Variants in NME8 observed in about 807,000 individuals in gnomAD.
The protein encoded by NME8 is NME/NM23 family member 8.
In NME8, 72 loss-of-function variants were observed where a neutral mutation model predicts 82.3. That is an observed-to-expected ratio of 0.87 (90% CI 0.72 to 1.06). The LOEUF (loss-of-function observed/expected upper bound fraction) is 1.06, where lower values mean the gene tolerates loss of function less well. Ranked by LOEUF, NME8 falls within the 50% of genes least tolerant of loss-of-function variation. NME8 has a pLI of 0.00. For missense variants in NME8, 712 were observed against 685.4 expected, an observed-to-expected ratio of 1.04 and a Z score of -0.43; for synonymous variants, 267 against 228.5, an observed-to-expected ratio of 1.17 and a Z score of -1.52.
chr7:37,856,414 C>T (rs1341731940), intron 5 of NME8, among the ~76,000 whole-genome samples: 1 of 152,140 alleles, frequency 6.6e-6, no homozygotes, highest in Non-Finnish European at 1.5e-5. Context: ...ACTGTGCTGG[C>T]ACCCTAATCT....
At chr7:37,878,913 AT>A (rs1353531459) in intron 12 of NME8, among the ~76,000 whole-genome samples, 2 of 152,068 alleles carry the variant, frequency 1.3e-5, no homozygotes, top group African/African-American at 4.8e-5. Context: ...TTCACTCTTT[AT>A]TTTGTTCATC....
chr7:37,868,548 A>G (rs1227425172), intron 11 of NME8, among the ~76,000 whole-genome samples: 2 of 152,050 alleles, frequency 1.3e-5, no homozygotes, highest in Non-Finnish European at 2.9e-5. Context: ...CCCTCAGGTG[A>G]TCTTTGCTCC....
At chr7:37,866,041 C>G (rs1356142773) in intron 10 of NME8, among the ~76,000 whole-genome samples, 6 of 152,092 alleles carry the variant, frequency 3.9e-5, no homozygotes, top group South Asian at 2.1e-4. Context: ...AACTGCCCCA[C>G]TCCTGCCACC....
chr7:37,888,128 T>C (rs1299249498), intron 14 of NME8, 149 bp from the exon 15 acceptor site: 2 of 743,140 alleles, frequency 2.7e-6, no homozygotes, highest in East Asian at 5.3e-5. Flanking sequence ...TAGCATGCCC[T>C]AAGCCGCCAT....
At chr7:37,882,608 AG>A in intron 12 of NME8, among the ~76,000 whole-genome samples, 1 of 42,308 alleles carries the variant, frequency 2.4e-5, no homozygotes, top group Middle Eastern at 0.017. Context: ...AGAGAGAGAG[AG>A]AGAGAGAAAG....
chr7:37,864,389 A>G lies in NME8; in HGVS notation c.496A>G (p.Ile166Val), dbSNP rs1784643724. The G allele has an allele frequency of 1.9e-6, 3 of 1,589,162 alleles. No individual in the cohort carries two copies. The highest frequency in any genetic ancestry group is 1.7e-6 in the Non-Finnish European group (2 of 1,160,846). The stretch of plus-strand genomic sequence containing the variant: ...TGCTATTATCAAACCGGATGCTGTG[A>G]TTAGTAAAAAAGTTCTAGAAATTAA... The part of the protein sequence containing the change: ...SIAIIKPDAV[I>V]SKKVLEIKRK... Residue 166 changes from isoleucine to valine, a missense_variant, in exon 9 of 18, where the codon ATT (isoleucine) becomes GTT (valine). By Grantham distance (29) the Ile-to-Val change is conservative. Coordinates refer to ENST00000199447, the MANE Select transcript of NME8 (RefSeq NM_016616.5).
chr7:37,882,188 G>A (rs575698422), intron 12 of NME8, among the ~76,000 whole-genome samples: 2 of 152,266 alleles, frequency 1.3e-5, no homozygotes, highest in East Asian at 3.9e-4. Context: ...TTGATGAGAA[G>A]TAAGGTATCA....
At chr7:37,892,888 G>C (rs2598007) in intron 15 of NME8, among the ~76,000 whole-genome samples, 1 of 151,650 alleles carries the variant, frequency 6.6e-6, no homozygotes, top group Non-Finnish European at 1.5e-5. Flanking sequence ...CTGCTGGCTT[G>C]CTTTCTTCCT....
chr7:37,898,683 AG>A (rs1785268559), intron 17 of NME8, among the ~76,000 whole-genome samples: 1 of 152,210 alleles, frequency 6.6e-6, no homozygotes, highest in Admixed American at 6.5e-5. Flanking sequence ...AGAGAGAAAA[AG>A]TAAATTATAG....
rs772102601 is a variant in NME8 at position 37,882,597 on chromosome 7, AAGAGAGAGAGAGAG to A, written c.995-1700_995-1687del. Among the ~76,000 whole-genome samples, 145 of 83,012 alleles carry A rather than the reference AAGAGAGAGAGAGAG, an allele frequency of 1.7e-3. 2 individuals are homozygous for A. The highest frequency in any genetic ancestry group is 6.5e-3 in the Middle Eastern group (1 of 154). 54.5% of individuals were successfully genotyped at this position (83,012 alleles called of 152,430 possible). ...AAAGAAAGAAAGAAAGAAAGAAAGAAAGAGAGAGAGAGAGAGAGAAAGAAAGAAAGAAAGAAAGA... is the reference window on the plus strand; with the variant it reads ...AAAGAAAGAAAGAAAGAAAGAAAGAAAGAGAAAGAAAGAAAGAAAGAAAGA... On this transcript the variant is annotated intron_variant, in intron 12 of 17. Transcript: ENST00000199447.
At chr7:37,855,056 C>T (rs1784492165) in intron 5 of NME8, among the ~76,000 whole-genome samples, 2 of 152,106 alleles carry the variant, frequency 1.3e-5, no homozygotes, top group African/African-American at 2.4e-5. Context: ...CCATAGAGTA[C>T]CACGTGTAAT....
intron 12 of NME8, among the ~76,000 whole-genome samples, chr7:37,882,540 A>C (rs921760820): frequency 2.0e-5 from 3 of 149,414 alleles, no homozygotes; most frequent in Non-Finnish European, 4.4e-5. Flanking sequence ...GGAGAGAGGG[A>C]GGAAGGGAAA....
In NME8 at chr7:37,850,438, A is replaced by G; in HGVS notation, c.91+3A>G. ...GTTGCAGAACAAAGGCTTAACAGGTATAAGGACTCCCCGGCTGTCTGGCCA... is the reference window on the plus strand; with the variant it reads ...GTTGCAGAACAAAGGCTTAACAGGTGTAAGGACTCCCCGGCTGTCTGGCCA... On this transcript the variant is annotated splice_donor_region_variant and intron_variant, in intron 4 of 17. Coordinates refer to ENST00000199447, the MANE Select transcript of NME8 (RefSeq NM_016616.5). 1.2e-6 allele frequency: 2 copies of G among 1,614,150 alleles called. No individual in the cohort carries two copies. Among genetic ancestry groups the G allele is most frequent in the Admixed American group, 1.7e-5 (1 of 60,028 alleles).
At chr7:37,861,939 A>T (rs1384655278) in intron 6 of NME8, 89 bp from the exon 7 acceptor site, 1 of 835,586 alleles carries the variant, frequency 1.2e-6, no homozygotes, top group Non-Finnish European at 2.1e-6. Context: ...GTAGGGTAGA[A>T]GGGAGGGATG....
intron 17 of NME8, among the ~76,000 whole-genome samples, chr7:37,899,784 C>G (rs978639693): frequency 6.6e-6 from 1 of 152,088 alleles, no homozygotes; most frequent in Non-Finnish European, 1.5e-5. Flanking sequence ...AACAAACTCC[C>G]TAAACTCTTT....
At chr7:37,882,643 GAGAAAGAAAGAAAGAGAA>G (rs1784980846) in intron 12 of NME8, among the ~76,000 whole-genome samples, 2 of 49,418 alleles carry the variant, frequency 4.0e-5, no homozygotes, top group South Asian at 7.1e-4. Flanking sequence ...AAGAAAGAAA[GAGAAAGAAAGAAAGAGAA>G]AGAAAGAAAG....
chr7:37,888,600 T>C (rs1384074217), intron 15 of NME8, among the ~76,000 whole-genome samples, 172 bp downstream of exon 15: 2 of 152,144 alleles, frequency 1.3e-5, no homozygotes, highest in African/African-American at 2.4e-5. Flanking sequence ...TGTCATACTT[T>C]GTCTTGCTAT....
chr7:37,869,360 G>A (rs547158737), intron 11 of NME8, among the ~76,000 whole-genome samples: 2 of 152,044 alleles, frequency 1.3e-5, no homozygotes, highest in African/African-American at 4.8e-5. Context: ...GTTGGGTAGG[G>A]TGTGTTAAGT....
In NME8 at chr7:37,862,108, G is replaced by A; in HGVS notation, c.351G>A (p.Glu117=). 1 of 1,613,408 alleles carries A rather than the reference G, an allele frequency of 6.2e-7. No homozygotes were observed. Among genetic ancestry groups the A allele is most frequent in the Non-Finnish European group, 8.5e-7 (1 of 1,179,520 alleles). The change falls in exon 7 of 18, where the codon GAG becomes GAA. Residue 117 remains glutamate (E), a synonymous_variant. Transcript: ENST00000199447. ...NKKVINLIDE[E]RKIAAGEMAR... is the part of the protein sequence containing the mutation. The stretch of plus-strand genomic sequence containing the variant: ...AAGTTATTAATTTGATCGATGAGGA[G>A]AGAAAAATTGCAGCAGGTGAAATGG...
Sources: allele counts gnomAD v4.1 joint callset (sites outside exome capture counted in the v4.1 genomes callset), GRCh38; gene constraint gnomAD v4.1.1; transcripts MANE v1.5; gene names NCBI Gene and HGNC (gene_info 2026-07-23, HGNC 2026-07-21).